The following SENP5 variants were observed in gnomAD, a reference collection of about 807,000 sequenced individuals.
SENP5 encodes SUMO specific peptidase 5.
A neutral mutation model predicts 74.2 loss-of-function variants in SENP5; 21 were observed. The observed-to-expected ratio is 0.28, with a 90% CI of 0.20 to 0.41. The LOEUF is 0.41. Among genes scored for constraint, SENP5 ranks in the 10% least tolerant of loss-of-function variants. The pLI is 1.00. For missense variants in SENP5, 717 were observed against 889.1 expected (o/e 0.81, Z 2.46); for synonymous variants, 311 against 312.7 (o/e 0.99, Z 0.06).
At position 196,927,831 on chromosome 3, in the gene SENP5, A is replaced by G. The variant is rs1225847305; in HGVS notation, c.2058A>G (p.Glu686=). The change falls in exon 8 of 10, where the codon GAA becomes GAG. Residue 686 remains glutamate (E), a synonymous_variant. Transcript: ENST00000323460. ...AGTATTTGCTGACTGAAGCCAGAGA[A>G]AAAAATAGACCTGAATTTCTTCAGG... ...IRKYLLTEAR[E]KNRPEFLQGW... The G allele has an allele frequency of 6.2e-7, 1 of 1,612,940 alleles. No individual in the cohort carries two copies. Among genetic ancestry groups the G allele is most frequent in the Non-Finnish European group, 8.5e-7 (1 of 1,179,044 alleles).
At chr3:196,914,586 A>AAAAAAAAAAAAAATATATATATAT in intron 6 of SENP5, 16 of 33,490 alleles carry the variant, frequency 4.8e-4, no homozygotes, top group South Asian at 1.7e-3. Flanking sequence ...AAAAAAAAAA[A>AAAAAAAAAAAAAATATATATATAT]ATATATATAT....
chr3:196,915,980 A>G (rs972590776), intron 6 of SENP5, among the ~76,000 whole-genome samples: 16 of 152,148 alleles, frequency 1.1e-4, no homozygotes, highest in Non-Finnish European at 2.4e-4. Context: ...GATAGAATAA[A>G]TACCTAACTC....
Position 196,885,142 on chromosome 3 carries a change from T to C in SENP5, c.-31-9T>C. 6.7e-7 allele frequency: 1 copy of C among 1,483,328 alleles called. No homozygotes were observed. The highest frequency in any genetic ancestry group is 9.2e-7 in the Non-Finnish European group (1 of 1,085,458). The allele number at this position is 1,483,328 out of a possible 1,614,324, so 91.9% of individuals were successfully genotyped here. On this transcript the variant is annotated splice_polypyrimidine_tract_variant and intron_variant, in intron 1 of 9. Coordinates refer to ENST00000323460, the MANE Select transcript of SENP5 (RefSeq NM_152699.5). ...AGATAGAAATATAACTTACTTCTCT[T>C]CTTTACAGCTGCATCCAGATCTCAT...
intron 6 of SENP5, among the ~76,000 whole-genome samples, chr3:196,922,384 T>C (rs924070846): frequency 3.9e-5 from 6 of 152,220 alleles, no homozygotes; most frequent in African/African-American, 1.4e-4. Flanking sequence ...GCTTATATCA[T>C]GTCTGTTGAA....
At chr3:196,873,386 A>G (rs1713305463) in intron 1 of SENP5, among the ~76,000 whole-genome samples, 1 of 151,930 alleles carries the variant, frequency 6.6e-6, no homozygotes, top group Non-Finnish European at 1.5e-5. Flanking sequence ...GCCGAGACTT[A>G]ACGTCTTTAG....
At position 196,931,588 on chromosome 3, in the gene SENP5, C is replaced by T. The variant is rs1227090707; in HGVS notation, c.*665C>T. 2.0e-5 allele frequency: 5 copies of T among 256,000 alleles called. No individual in the cohort carries two copies. In the East Asian group the frequency reaches 7.6e-4, roughly 39 times the overall value. The allele number at this position is 256,000 out of a possible 1,614,324, so 15.9% of individuals were successfully genotyped here. On this transcript the variant is annotated 3_prime_UTR_variant, in exon 10 of 10. Coordinates refer to ENST00000323460, the MANE Select transcript of SENP5 (RefSeq NM_152699.5). ...GGAGTAAGGTGTGAGAAAAAGCAAC[C>T]TTGGAGGCCAGTAACAATGACAGAT...
At chr3:196,885,124 A>G (rs1713895985) in intron 1 of SENP5, 27 bp from the exon 2 acceptor site, 1 of 1,355,186 alleles carries the variant, frequency 7.4e-7, no homozygotes, top group African/African-American at 1.5e-5. Flanking sequence ...TTTAGATAGA[A>G]ATATAACTTA....
At chr3:196,913,267 A>C (rs563982693) in intron 6 of SENP5, 1 of 152,324 alleles carries the variant, frequency 6.6e-6, no homozygotes, top group South Asian at 2.1e-4. Flanking sequence ...ATTTGTAAAA[A>C]TTGAACATGT....
At chr3:196,904,279 C>G (rs1173370100) in intron 6 of SENP5, among the ~76,000 whole-genome samples, 1 of 152,130 alleles carries the variant, frequency 6.6e-6, no homozygotes, top group Admixed American at 6.5e-5. Context: ...CAGCAAAGGC[C>G]TCTTTGAAGA....
chr3:196,910,179 A>G (rs1487287783), intron 6 of SENP5, among the ~76,000 whole-genome samples: 1 of 151,944 alleles, frequency 6.6e-6, no homozygotes. Flanking sequence ...AATACCTAGG[A>G]ATACAGTTTA....
At chr3:196,891,382 A>G (rs895352584) in intron 2 of SENP5, among the ~76,000 whole-genome samples, 3 of 152,194 alleles carry the variant, frequency 2.0e-5, no homozygotes, top group African/African-American at 7.2e-5. Context: ...TAGTTACACA[A>G]TCTGAATATA....
At chr3:196,926,481 CA>C (rs56334033) in intron 7 of SENP5, among the ~76,000 whole-genome samples, 59,998 of 125,172 alleles carry the variant, frequency 0.48, 12,681 homozygotes, top group South Asian at 0.58. Flanking sequence ...GACTCCGTCT[CA>C]AAAAAAAAAA....
At chr3:196,915,611 A>G (rs1715334970) in intron 6 of SENP5, among the ~76,000 whole-genome samples, 2 of 152,178 alleles carry the variant, frequency 1.3e-5, no homozygotes, top group South Asian at 2.1e-4. Flanking sequence ...ACCCAGTACT[A>G]TGCTGTGTTC....
At chr3:196,918,427 T>C (rs1715475629) in intron 6 of SENP5, among the ~76,000 whole-genome samples, 1 of 151,440 alleles carries the variant, frequency 6.6e-6, no homozygotes, top group Non-Finnish European at 1.5e-5. Context: ...AGTTATCAGT[T>C]TGAAATAGTT....
chr3:196,885,854 A>G lies in SENP5; in HGVS notation c.673A>G (p.Ile225Val), dbSNP rs375645899. 2.3e-5 allele frequency: 37 copies of G among 1,614,068 alleles called. No homozygotes were observed. Among genetic ancestry groups the G allele is most frequent in the Non-Finnish European group, 3.0e-5 (35 of 1,180,004 alleles). ...KKFQLNQHRR[I>V]KLSPLMMYEK... is the part of the protein sequence containing the mutation. Reference sequence around the variant, plus strand: ...GTTCCAACTTAACCAACATAGAAGGATAAAATTATCTCCTCTTATGATGTA... The same window carrying G: ...GTTCCAACTTAACCAACATAGAAGGGTAAAATTATCTCCTCTTATGATGTA... The change falls in exon 2 of 10, where the codon ATA (isoleucine) becomes GTA (valine). Residue 225 changes from isoleucine (I) to valine (V), a missense_variant. This residue lies in a region of SENP5 where 567 missense variants were observed against 577.4 expected (regional missense o/e 0.98). Transcript: ENST00000323460.
At chr3:196,872,090 G>A (rs1295590203) in intron 1 of SENP5, among the ~76,000 whole-genome samples, 10 of 152,104 alleles carry the variant, frequency 6.6e-5, no homozygotes, top group Admixed American at 3.3e-4. Flanking sequence ...TAACCTGTAC[G>A]GTGGCTGCGC....
chr3:196,889,701 A>T (rs560882574), intron 2 of SENP5, among the ~76,000 whole-genome samples: 1 of 152,220 alleles, frequency 6.6e-6, no homozygotes, highest in Non-Finnish European at 1.5e-5. Flanking sequence ...TTAAAAACAC[A>T]TGTGTCTTCA....
chr3:196,928,391 C>A (rs1715895370), intron 8 of SENP5, among the ~76,000 whole-genome samples: 1 of 152,248 alleles, frequency 6.6e-6, no homozygotes, highest in African/African-American at 2.4e-5. Context: ...CACAGCCGCT[C>A]ATTCCTGTCG....
chr3:196,886,306 C>T lies in SENP5; in HGVS notation c.1125C>T (p.Ile375=). The part of the protein sequence containing the change: ...KWECTELIHD[I]PLPEHRSNTM... ...AGTGTACAGAGCTGATTCATGACATCCCCTTACCAGAACATCGTTCTAATA... is the reference window on the plus strand; with the variant it reads ...AGTGTACAGAGCTGATTCATGACATTCCCTTACCAGAACATCGTTCTAATA... The change falls in exon 2 of 10, where the codon ATC becomes ATT. Residue 375 remains isoleucine, a synonymous_variant. Coordinates refer to ENST00000323460, the MANE Select transcript of SENP5 (RefSeq NM_152699.5). 1 of 1,614,104 alleles carries T rather than the reference C, an allele frequency of 6.2e-7. No individual in the cohort carries two copies. Among genetic ancestry groups the T allele is most frequent in the Non-Finnish European group, 8.5e-7 (1 of 1,180,006 alleles).
Sources: gnomAD v4.1 joint callset for allele counts (sites outside exome capture counted in the v4.1 genomes callset) on GRCh38, gnomAD v4.1.1 for gene constraint, gnomAD v4.1.1 regional missense constraint, MANE v1.5 for transcripts, NCBI Gene and HGNC (gene_info 2026-07-23, HGNC 2026-07-21) for gene names.